Variants in PSMA1 observed in about 807,000 individuals in gnomAD.
PSMA1 encodes the protein proteasome 20S subunit alpha 1.
A neutral mutation model predicts 38.4 loss-of-function variants in PSMA1; 3 were observed. That is an observed-to-expected ratio of 0.08 (90% confidence interval 0.04 to 0.20). The LOEUF (loss-of-function observed/expected upper bound fraction) is 0.20. PSMA1 is among the 10% of genes least tolerant of loss of function. PSMA1 has a pLI of 1.00. For missense variants in PSMA1, 227 were observed against 325.3 expected, an observed-to-expected ratio of 0.70 and a Z score of 2.32; for synonymous variants, 101 against 107.1, an observed-to-expected ratio of 0.94 and a Z score of 0.35.
intron 1 of PSMA1, among the ~76,000 whole-genome samples, chr11:14,636,292 T>G (rs1237030835): frequency 6.6e-6 from 1 of 152,188 alleles, no homozygotes; most frequent in Admixed American, 6.5e-5. Context: ...CCGTGGTTAC[T>G]TTCCTGTCCT....
At chr11:14,572,948 T>C (rs1243322541) in intron 2 of PSMA1, among the ~76,000 whole-genome samples, 3 of 152,122 alleles carry the variant, frequency 2.0e-5, no homozygotes, top group African/African-American at 7.2e-5. Flanking sequence ...ACATACACCC[T>C]CTGAAGACTA....
intron 2 of PSMA1, among the ~76,000 whole-genome samples, chr11:14,570,080 T>G (rs1301373215): frequency 6.6e-6 from 1 of 152,166 alleles, no homozygotes; most frequent in Non-Finnish European, 1.5e-5. Context: ...CCTCCACTGG[T>G]GATACCCAGA....
intron 2 of PSMA1, among the ~76,000 whole-genome samples, chr11:14,608,955 T>C (rs766788026): frequency 8.5e-5 from 13 of 152,180 alleles, no homozygotes; most frequent in Non-Finnish European, 1.6e-4. Flanking sequence ...ACAAAACTTG[T>C]CTTTCCTCAT....
intron 2 of PSMA1, among the ~76,000 whole-genome samples, chr11:14,536,058 C>T (rs1437612957): frequency 6.6e-6 from 1 of 152,166 alleles, no homozygotes; most frequent in African/African-American, 2.4e-5. Context: ...CAAGCACTTT[C>T]AGCCACCAAT....
At chr11:14,617,279 G>T (rs1423692314) in intron 1 of PSMA1, among the ~76,000 whole-genome samples, 1 of 152,100 alleles carries the variant, frequency 6.6e-6, no homozygotes, top group Non-Finnish European at 1.5e-5. Flanking sequence ...AATTGGGAAG[G>T]GATATTTCCC....
Position 14,514,458 on chromosome 11 carries a change from T to A in PSMA1, c.288A>T (p.Arg96Ser), listed in dbSNP as rs767000878. The A allele has an allele frequency of 3.7e-6, 6 of 1,603,690 alleles. No homozygotes were observed. The South Asian group carries it at 6.8e-5, about 18-fold the overall frequency. The change falls in exon 5 of 10, where the codon AGA becomes AGT. Residue 96 changes from arginine to serine, a missense_variant. Coordinates refer to ENST00000396394, the MANE Select transcript of PSMA1 (RefSeq NM_002786.4). The stretch of plus-strand genomic sequence containing the variant: ...CAGGCAGTGGTCTATCGAATACAAA[T>A]CTGGAATCCAAACACTCCTGACGCA... Reference protein sequence around the residue: ...NFMRQECLDSRFVFDRPLPVS... With the variant: ...NFMRQECLDSSFVFDRPLPVS...
rs897689188 is a variant in PSMA1 at position 14,505,105 on chromosome 11, T to C, written c.*87A>G. On this transcript the variant is annotated 3_prime_UTR_variant, in exon 10 of 10. Coordinates refer to ENST00000396394, the MANE Select transcript of PSMA1 (RefSeq NM_002786.4). ...ATAGCATTCCACCACTCTGCAACTT[T>C]TGGTTCAAAGTATAGATTATTGTCA... The C allele has an allele frequency of 1.4e-5, 18 of 1,260,924 alleles. No individual in the cohort carries two copies. The Admixed American group carries it at 2.7e-4, about 19-fold the overall frequency. 78.1% of individuals were successfully genotyped at this position (1,260,924 alleles called of 1,614,324 possible).
intron 2 of PSMA1, among the ~76,000 whole-genome samples, chr11:14,556,824 GT>G (rs1422432875): frequency 6.6e-6 from 1 of 152,138 alleles, no homozygotes; most frequent in Non-Finnish European, 1.5e-5. Context: ...TCCATAGAAT[GT>G]TTTTGACATT....
At chr11:14,529,934 C>T (rs957253290) in intron 2 of PSMA1, among the ~76,000 whole-genome samples, 2 of 152,176 alleles carry the variant, frequency 1.3e-5, no homozygotes, top group Non-Finnish European at 1.5e-5. Context: ...CTCATTTTTG[C>T]AATTAGCCAA....
chr11:14,638,539 CTCTCTCTATATATA>C (rs1272751581), intron 1 of PSMA1, among the ~76,000 whole-genome samples: 87 of 19,188 alleles, frequency 4.5e-3, no homozygotes, highest in African/African-American at 5.8e-3. Context: ...CTCTCTCTCT[CTCTCTCTATATATA>C]TATATATATA....
At chr11:14,605,485 G>C (rs1024307395) in intron 2 of PSMA1, among the ~76,000 whole-genome samples, 1 of 152,142 alleles carries the variant, frequency 6.6e-6, no homozygotes, top group Non-Finnish European at 1.5e-5. Context: ...CCAGGCTCAA[G>C]TGATCCTCCC....
At chr11:14,637,266 G>A (rs1441195685) in intron 1 of PSMA1, among the ~76,000 whole-genome samples, 1 of 152,032 alleles carries the variant, frequency 6.6e-6, no homozygotes, top group Admixed American at 6.5e-5. Context: ...TTCTTTGTAT[G>A]GAATACTCTC....
chr11:14,511,707 C>T (rs1045845310), intron 7 of PSMA1, among the ~76,000 whole-genome samples: 1 of 152,200 alleles, frequency 6.6e-6, no homozygotes, highest in Non-Finnish European at 1.5e-5. Flanking sequence ...TCAATCTTAG[C>T]AGTGAATGAC....
Position 14,514,213 on chromosome 11 carries a change from G to A in PSMA1, c.343+190C>T, listed in dbSNP as rs944666546. The A allele has an allele frequency of 5.2e-6, 7 of 1,347,152 alleles. No homozygotes were observed. The Admixed American group carries it at 1.1e-4, about 21-fold the overall frequency. The allele number at this position is 1,347,152 out of a possible 1,614,324, so 83.4% of individuals were successfully genotyped here. On this transcript the variant is annotated intron_variant, in intron 5 of 9. Coordinates refer to ENST00000396394, the MANE Select transcript of PSMA1 (RefSeq NM_002786.4). ...AAAAAGATGCTTAGATGATTTTCCT[G>A]AAGTTGGGCTTATTTGTGTCTAGCA... is the stretch of plus-strand genomic sequence containing the variant.
intron 2 of PSMA1, among the ~76,000 whole-genome samples, chr11:14,608,429 G>A (rs934752021): frequency 2.6e-5 from 4 of 151,550 alleles, no homozygotes; most frequent in African/African-American, 9.7e-5. Flanking sequence ...GGGGAGCGGG[G>A]AGGGTTAGCA....
chr11:14,620,151 T>C (rs925528434), intron 1 of PSMA1, among the ~76,000 whole-genome samples: 1 of 152,176 alleles, frequency 6.6e-6, no homozygotes, highest in Non-Finnish European at 1.5e-5. Flanking sequence ...ACCTGAGTTC[T>C]TTTTAAAAAG....
chr11:14,603,304 T>G (rs1852606354), intron 2 of PSMA1, among the ~76,000 whole-genome samples: 1 of 152,204 alleles, frequency 6.6e-6, no homozygotes, highest in Non-Finnish European at 1.5e-5. Flanking sequence ...GGAGAAATTT[T>G]AAATGAAATT....
chr11:14,631,692 C>T (rs4261315), intron 1 of PSMA1, among the ~76,000 whole-genome samples: 93 of 152,286 alleles, frequency 6.1e-4, no homozygotes, highest in African/African-American at 1.8e-3. Flanking sequence ...CCGCTTGGTG[C>T]AGAGATGAGT....
chr11:14,634,887 T>C (rs1299113469), intron 1 of PSMA1, among the ~76,000 whole-genome samples: 2 of 152,134 alleles, frequency 1.3e-5, no homozygotes, highest in Admixed American at 6.5e-5. Context: ...GTAAAGAGCT[T>C]GAGAGTGAGA....
Sources: allele counts gnomAD v4.1 joint callset (sites outside exome capture counted in the v4.1 genomes callset), GRCh38; gene constraint gnomAD v4.1.1; transcripts MANE v1.5; gene names NCBI Gene and HGNC (gene_info 2026-07-23, HGNC 2026-07-21).